TMTC2: variants seen among roughly 807,000 people sequenced by gnomAD.
The protein encoded by TMTC2 is transmembrane O-mannosyltransferase targeting cadherins 2.
In TMTC2, 43 loss-of-function variants were observed where a neutral mutation model predicts 82.4. The ratio of observed to expected loss-of-function variants is 0.52; its 90% CI spans 0.41 to 0.67. TMTC2 has a LOEUF of 0.67. Among genes scored for constraint, TMTC2 ranks in the 30% least tolerant of loss-of-function variants. The pLI, the probability that TMTC2 is intolerant of heterozygous loss-of-function variation, is 0.00. For missense variants in TMTC2, 919 were observed against 1,012.4 expected, an observed-to-expected ratio of 0.91 and a Z score of 1.25; for synonymous variants, 408 against 381.9, an observed-to-expected ratio of 1.07 and a Z score of -0.80.
intron 8 of TMTC2, among the ~76,000 whole-genome samples, chr12:82,988,396 A>G (rs1207684858): frequency 6.6e-6 from 1 of 152,186 alleles, no homozygotes; most frequent in Non-Finnish European, 1.5e-5. Flanking sequence ...GTTAAGGGAC[A>G]TAAAATGGGG....
At chr12:83,061,907 A>T in intron 11 of TMTC2, 76 bp downstream of exon 11, 1 of 1,138,670 alleles carries the variant, frequency 8.8e-7, no homozygotes. Flanking sequence ...AAGCATCATG[A>T]TACTGGTTTT....
Position 82,839,727 on chromosome 12 carries a change from T to G in TMTC2, c.84-17283T>G, listed in dbSNP as rs531558205. Among the ~76,000 whole-genome samples the G allele has an allele frequency of 9.4e-4, 143 of 152,338 alleles. 1 individual carries two copies. The highest frequency in any genetic ancestry group is 7.8e-3 in the Admixed American group (120 of 15,292). On this transcript the variant is annotated intron_variant, in intron 1 of 11. Coordinates refer to ENST00000321196, the MANE Select transcript of TMTC2 (RefSeq NM_152588.3). The stretch of plus-strand genomic sequence containing the variant: ...CAAGAAGATGTACCCAAGGTCAGCT[T>G]CTTTGGTAGTGTGCAACTGTCATCC...
chr12:82,927,783 G>T (rs1185398851), intron 3 of TMTC2, among the ~76,000 whole-genome samples: 1 of 152,180 alleles, frequency 6.6e-6, no homozygotes, highest in Admixed American at 6.5e-5. Context: ...CAAAGATTAA[G>T]ACTCACCAAG....
intron 2 of TMTC2, among the ~76,000 whole-genome samples, chr12:82,876,749 T>C (rs1336085731): frequency 6.6e-6 from 1 of 152,218 alleles, no homozygotes; most frequent in Non-Finnish European, 1.5e-5. Flanking sequence ...ATTTGTAATA[T>C]TTACTTCTTT....
chr12:82,995,165 G>A (rs185503964), intron 8 of TMTC2, among the ~76,000 whole-genome samples: 30 of 152,176 alleles, frequency 2.0e-4, no homozygotes, highest in African/African-American at 7.2e-4. Context: ...GAACATTTGA[G>A]TATCGCTCCT....
At chr12:82,927,100 G>A (rs1044989552) in intron 3 of TMTC2, among the ~76,000 whole-genome samples, 13 of 152,304 alleles carry the variant, frequency 8.5e-5, no homozygotes, top group Admixed American at 7.2e-4. Context: ...TAAGGATGTA[G>A]CTTCCATAGA....
At chr12:83,009,110 A>G (rs1166332072) in intron 8 of TMTC2, among the ~76,000 whole-genome samples, 2 of 152,178 alleles carry the variant, frequency 1.3e-5, no homozygotes, top group African/African-American at 4.8e-5. Flanking sequence ...CAAAGTGAAT[A>G]GATTAATTGA....
chr12:82,958,354 C>CAAAAAAAAAAAAAAAAAAAAAAAAAA (rs750819932), intron 4 of TMTC2, among the ~76,000 whole-genome samples: 1 of 19,954 alleles, frequency 5.0e-5, no homozygotes, highest in East Asian at 1.3e-3. Context: ...GAGTCTGTCT[C>CAAAAAAAAAAAAAAAAAAAAAAAAAA]AAAAAAAAAA....
intron 8 of TMTC2, among the ~76,000 whole-genome samples, chr12:83,004,738 T>TTTTTTTG: frequency 1.2e-5 from 1 of 84,628 alleles, no homozygotes; most frequent in Non-Finnish European, 2.2e-5. Context: ...TTTTTTTTTT[T>TTTTTTTG]TTTTTTTTTT....
chr12:82,772,075 C>T (rs1035478674), intron 1 of TMTC2, among the ~76,000 whole-genome samples: 10 of 152,064 alleles, frequency 6.6e-5, no homozygotes, highest in Admixed American at 1.3e-4. Flanking sequence ...TGCACCATGG[C>T]GCTTAACTGT....
intron 8 of TMTC2, among the ~76,000 whole-genome samples, chr12:83,009,912 G>A (rs1880377769): frequency 6.6e-6 from 1 of 152,120 alleles, no homozygotes; most frequent in Non-Finnish European, 1.5e-5. Context: ...ATCCCTCACA[G>A]TGCAGTTCAC....
intron 2 of TMTC2, among the ~76,000 whole-genome samples, chr12:82,859,312 C>T (rs1024198502): frequency 4.6e-5 from 7 of 152,098 alleles, no homozygotes; most frequent in Non-Finnish European, 7.4e-5. Flanking sequence ...GTGATCTGCC[C>T]GCCTTGGCCT....
intron 11 of TMTC2, among the ~76,000 whole-genome samples, chr12:83,064,788 A>T (rs1882859898): frequency 6.6e-6 from 1 of 152,008 alleles, no homozygotes; most frequent in Non-Finnish European, 1.5e-5. Flanking sequence ...ATCTGATCTG[A>T]TTTAAAGCAT....
chr12:82,748,190 A>C (rs1431428464), intron 1 of TMTC2, among the ~76,000 whole-genome samples: 1 of 152,170 alleles, frequency 6.6e-6, no homozygotes, highest in Non-Finnish European at 1.5e-5. Flanking sequence ...ACGCACCTGT[A>C]GTCCCAGCTA....
chr12:82,691,819 G>A (rs562560092), intron 1 of TMTC2, among the ~76,000 whole-genome samples: 3 of 152,204 alleles, frequency 2.0e-5, no homozygotes, highest in Non-Finnish European at 4.4e-5. Flanking sequence ...TTAAGTAAGG[G>A]AGAAGCTCTC....
At position 83,112,303 on chromosome 12, in the gene TMTC2, C is replaced by T. The variant is rs145153946; in HGVS notation, c.2332-19907C>T. On this transcript the variant is annotated intron_variant, in intron 11 of 11. Transcript: ENST00000321196. ...TTTTAGAGTTGAATAGACCTGAAGA[C>T]TAGCCACGTGCATCCCCGCATCTCT... 2.4e-3 allele frequency among the ~76,000 whole-genome samples: 373 copies of T among 152,294 alleles called. 1 individual carries two copies. Among genetic ancestry groups the T allele is most frequent in the African/African-American group, 8.6e-3 (356 of 41,576 alleles).
intron 1 of TMTC2, among the ~76,000 whole-genome samples, chr12:82,832,252 A>G (rs1053975340): frequency 1.3e-5 from 2 of 151,780 alleles, no homozygotes; most frequent in African/African-American, 2.4e-5. Flanking sequence ...TTAAAATATA[A>G]CTCTGCAAGC....
intron 11 of TMTC2, among the ~76,000 whole-genome samples, chr12:83,074,766 G>A (rs1034617590): frequency 2.0e-5 from 3 of 152,058 alleles, no homozygotes; most frequent in South Asian, 4.2e-4. Context: ...GTGAGGTCTT[G>A]AAAACTTGCC....
At chr12:82,719,657 C>A (rs1383481046) in intron 1 of TMTC2, among the ~76,000 whole-genome samples, 2 of 133,390 alleles carry the variant, frequency 1.5e-5, no homozygotes, top group East Asian at 2.3e-4. Context: ...AAACATGATT[C>A]TATGTCTCTC....
Sources: allele counts gnomAD v4.1 joint callset (sites outside exome capture counted in the v4.1 genomes callset), GRCh38; gene constraint gnomAD v4.1.1; transcripts MANE v1.5; gene names NCBI Gene and HGNC (gene_info 2026-07-23, HGNC 2026-07-21).